AKAP12: variants seen among roughly 807,000 people sequenced by gnomAD.
The protein encoded by AKAP12 is A-kinase anchoring protein 12, also known as A-kinase anchor protein 12.
In AKAP12, 32 loss-of-function variants were observed where a neutral mutation model predicts 79.9. That is an observed-to-expected ratio of 0.40 (90% CI 0.30 to 0.54). The LOEUF (loss-of-function observed/expected upper bound fraction) is 0.54, where lower values mean the gene tolerates loss of function less well. Ranked by LOEUF, AKAP12 falls within the 20% of genes least tolerant of loss-of-function variation. The probability of loss-of-function intolerance (pLI) is 0.48; values close to 1 mark genes in which losing one functional copy is unlikely to be tolerated. For synonymous variants in AKAP12, 808 were observed against 857.0 expected, an observed-to-expected ratio of 0.94 and a Z score of 1.00; for missense variants, 2,074 against 2,177.0, an observed-to-expected ratio of 0.95 and a Z score of 0.94.
At chr6:151,243,671 A>G (rs1239755318) in intron 2 of AKAP12, among the ~76,000 whole-genome samples, 1 of 152,044 alleles carries the variant, frequency 6.6e-6, no homozygotes, top group Non-Finnish European at 1.5e-5. Context: ...GAAATCTTTT[A>G]CAGTCTTTAT....
At chr6:151,306,520 G>C (rs1041974141) in intron 3 of AKAP12, among the ~76,000 whole-genome samples, 2 of 152,144 alleles carry the variant, frequency 1.3e-5, no homozygotes, top group African/African-American at 2.4e-5. Flanking sequence ...TGAGCTCGTT[G>C]TTCCATTTAA....
intron 2 of AKAP12, among the ~76,000 whole-genome samples, chr6:151,248,065 T>G (rs1797110153): frequency 1.3e-5 from 2 of 152,122 alleles, no homozygotes; most frequent in Non-Finnish European, 2.9e-5. Context: ...GAAGGAGAGA[T>G]TACTGCAGTT....
At chr6:151,283,436 A>C (rs1776444777) in intron 2 of AKAP12, among the ~76,000 whole-genome samples, 1 of 152,202 alleles carries the variant, frequency 6.6e-6, no homozygotes, top group South Asian at 2.1e-4. Context: ...ATTATCAAGT[A>C]AAGACATGGT....
At chr6:151,312,829 T>A (rs6934515) in intron 3 of AKAP12, among the ~76,000 whole-genome samples, 75,819 of 143,790 alleles carry the variant, frequency 0.53, 21,034 homozygotes, top group African/African-American at 0.74. Flanking sequence ...GAGGGCAGAG[T>A]TTTCTTGGGA....
At chr6:151,321,617 G>A (rs1358802510) in intron 3 of AKAP12, among the ~76,000 whole-genome samples, 2 of 151,962 alleles carry the variant, frequency 1.3e-5, no homozygotes, top group Non-Finnish European at 2.9e-5. Context: ...TTCCACTTTT[G>A]GCTACTAGGA....
intron 3 of AKAP12, among the ~76,000 whole-genome samples, chr6:151,314,851 G>A (rs896469318): frequency 2.0e-5 from 3 of 151,966 alleles, no homozygotes; most frequent in Non-Finnish European, 4.4e-5. Flanking sequence ...TCAGGAGTTC[G>A]AGACCAGCCT....
intron 3 of AKAP12, among the ~76,000 whole-genome samples, chr6:151,307,904 G>A (rs553001085): frequency 5.9e-5 from 9 of 152,006 alleles, no homozygotes; most frequent in Admixed American, 2.6e-4. Flanking sequence ...TCACTCTGTC[G>A]CCCAGGCTGG....
chr6:151,353,176 G>C lies in AKAP12; in HGVS notation c.4785G>C (p.Glu1595Asp), dbSNP rs1428623804. The C allele has an allele frequency of 2.5e-6, 4 of 1,614,048 alleles. No individual in the cohort carries two copies. The highest frequency in any genetic ancestry group is 3.4e-6 in the Non-Finnish European group (4 of 1,180,048). The change falls in exon 4 of 5, where the codon GAG (glutamate) becomes GAC (aspartate). Residue 1595 changes from glutamate (E) to aspartate (D), a missense_variant. This residue lies in a region of AKAP12 where 614 missense variants were observed against 665.6 expected (regional missense o/e 0.92). Transcript: ENST00000402676. ...ADSQDAGQETEKEGEEPQASA... is the reference protein window; with the variant it reads ...ADSQDAGQETDKEGEEPQASA... The stretch of plus-strand genomic sequence containing the variant: ...GCCAGGACGCTGGACAGGAAACGGA[G>C]AAAGAAGGAGAGGAACCTCAGGCCT...
At chr6:151,340,119 G>C (rs1172563491) in intron 3 of AKAP12, among the ~76,000 whole-genome samples, 1 of 151,822 alleles carries the variant, frequency 6.6e-6, no homozygotes, top group Non-Finnish European at 1.5e-5. Context: ...TGTTTTAGTA[G>C]AGACGGGGTT....
At chr6:151,259,806 G>A (rs1373172546) in intron 2 of AKAP12, among the ~76,000 whole-genome samples, 1 of 151,526 alleles carries the variant, frequency 6.6e-6, no homozygotes, top group Admixed American at 6.6e-5. Flanking sequence ...TGAACTCCTG[G>A]CCTCAAGTGA....
intron 3 of AKAP12, chr6:151,325,863 G>A (rs771757771): frequency 6.2e-7 from 1 of 1,614,210 alleles, no homozygotes; most frequent in Non-Finnish European, 8.5e-7. Context: ...CTTAAAATAT[G>A]CTGGGGACCA....
chr6:151,278,190 G>T (rs773144684), intron 2 of AKAP12, among the ~76,000 whole-genome samples: 1 of 146,468 alleles, frequency 6.8e-6, no homozygotes, highest in Non-Finnish European at 1.5e-5. Context: ...TTCAGATGTT[G>T]TGTTTTTTTT....
intron 3 of AKAP12, among the ~76,000 whole-genome samples, chr6:151,308,090 G>A (rs753476931): frequency 2.6e-5 from 4 of 152,062 alleles, no homozygotes; most frequent in Non-Finnish European, 4.4e-5. Context: ...GGCCAGGCTG[G>A]TTTCGAACTT....
At chr6:151,241,988 A>G (rs765240409) in intron 2 of AKAP12, among the ~76,000 whole-genome samples, 5 of 152,150 alleles carry the variant, frequency 3.3e-5, no homozygotes, top group African/African-American at 1.2e-4. Flanking sequence ...CCTAGATATT[A>G]AGTACTAACT....
At chr6:151,295,352 A>G (rs962360493) in intron 2 of AKAP12, among the ~76,000 whole-genome samples, 3 of 152,184 alleles carry the variant, frequency 2.0e-5, no homozygotes, top group African/African-American at 7.2e-5. Context: ...TCTCATGTCT[A>G]AAGATGAGTT....
chr6:151,352,902 A>G lies in AKAP12; in HGVS notation c.4511A>G (p.Lys1504Arg). 1 of 1,614,220 alleles carries G rather than the reference A, an allele frequency of 6.2e-7. No homozygotes were observed. The highest frequency in any genetic ancestry group is 8.5e-7 in the Non-Finnish European group (1 of 1,180,044). Residue 1504 changes from lysine (K) to arginine (R), a missense_variant, in exon 4 of 5, where the codon AAA (lysine) becomes AGA (arginine). By Grantham distance (26) the Lys-to-Arg change is conservative. Transcript: ENST00000402676. The stretch of plus-strand genomic sequence containing the variant: ...TTAAGTTCCGACCTGGAAGGAGAGA[A>G]AACCACATCACTGAAGTGGAAGTCA... The part of the protein sequence containing the change: ...KGLSSDLEGE[K>R]TTSLKWKSDE...
At chr6:151,324,078 C>T (rs1777463865) in intron 3 of AKAP12, 1 of 985,290 alleles carries the variant, frequency 1.0e-6, no homozygotes, top group African/African-American at 1.7e-5. Flanking sequence ...GCTCTGTGGA[C>T]TCCAGAAGGA....
At chr6:151,246,286 C>T (rs1278294376) in intron 2 of AKAP12, among the ~76,000 whole-genome samples, 1 of 152,122 alleles carries the variant, frequency 6.6e-6, no homozygotes, top group African/African-American at 2.4e-5. Flanking sequence ...GGTGTGGTGG[C>T]AGGTGCCTGT....
At chr6:151,241,102 G>C (rs529556150) in intron 2 of AKAP12, among the ~76,000 whole-genome samples, 1 of 152,224 alleles carries the variant, frequency 6.6e-6, no homozygotes, top group African/African-American at 2.4e-5. Flanking sequence ...AATGGACCCC[G>C]GGCCGGGCCT....
Sources: gnomAD v4.1 joint callset for allele counts (sites outside exome capture counted in the v4.1 genomes callset) on GRCh38, gnomAD v4.1.1 for gene constraint, gnomAD v4.1.1 regional missense constraint, MANE v1.5 for transcripts, NCBI Gene and HGNC (gene_info 2026-07-23, HGNC 2026-07-21) for gene names.